Variants in EIF2AK4 observed in about 807,000 individuals in gnomAD.
EIF2AK4 encodes the protein eIF-2-alpha kinase GCN2.
EIF2AK4 carries 139 observed loss-of-function variants against 211.1 expected under a neutral mutation model. The observed-to-expected ratio is 0.66, with a 90% CI of 0.57 to 0.76. The LOEUF (loss-of-function observed/expected upper bound fraction) is 0.76. EIF2AK4 is among the 30% of genes least tolerant of loss of function. The pLI is 0.00. For missense variants in EIF2AK4, 1,664 were observed against 2,043.8 expected (o/e 0.81, Z 3.58); for synonymous variants, 710 against 751.3 (o/e 0.94, Z 0.90).
intron 31 of EIF2AK4, chr15:40,022,242 C>G (rs2035401114): frequency 8.1e-6 from 2 of 247,698 alleles, no homozygotes; most frequent in African/African-American, 4.9e-5. Flanking sequence ...TTTTGGGCAT[C>G]TTTTATTAAG....
At chr15:40,016,460 C>T (rs372563948) in intron 27 of EIF2AK4, 42 bp from the exon 28 acceptor site, 10 of 1,612,478 alleles carry the variant, frequency 6.2e-6, no homozygotes, top group African/African-American at 4.0e-5. Context: ...GAGTCTTCCC[C>T]TGCTGTGGAT....
chr15:39,973,404 A>G (rs911882727), intron 10 of EIF2AK4, among the ~76,000 whole-genome samples, 188 bp from the exon 11 acceptor site: 10 of 152,176 alleles, frequency 6.6e-5, no homozygotes, highest in African/African-American at 2.4e-4. Flanking sequence ...ACTTGGGCTA[A>G]TTATATATTT....
At position 40,017,501 on chromosome 15, in the gene EIF2AK4, CTATATATATATA is replaced by C. The variant is rs202237104; in HGVS notation, c.4065+301_4065+312del. On this transcript the variant is annotated intron_variant, in intron 29 of 38. Transcript: ENST00000263791. ...GGCTCATGTACCCTTTACTCTGTTT[CTATATATATATA>C]TATATATATATATATATATATATAT... Among the ~76,000 whole-genome samples the C allele has an allele frequency of 6.2e-3, 163 of 26,100 alleles. 1 individual carries two copies. The highest frequency in any genetic ancestry group is 8.2e-3 in the Non-Finnish European group (112 of 13,642). 17.1% of individuals were successfully genotyped at this position (26,100 alleles called of 152,430 possible).
At position 39,965,853 on chromosome 15, in the gene EIF2AK4, C is replaced by G; in HGVS notation, c.1017+10C>G. 6.2e-7 allele frequency: 1 copy of G among 1,613,282 alleles called. No individual in the cohort carries two copies. The highest frequency in any genetic ancestry group is 8.5e-7 in the Non-Finnish European group (1 of 1,179,714). On this transcript the variant is annotated intron_variant, in intron 8 of 38. Coordinates refer to ENST00000263791, the MANE Select transcript of EIF2AK4 (RefSeq NM_001013703.4). ...TAAGTGCAAAAAGCAGGTAAGCATC[C>G]AAGGTGGCTGACTGAGCAAAAGGCC...
At chr15:39,960,146 A>T (rs2034449845) in intron 6 of EIF2AK4, among the ~76,000 whole-genome samples, 1 of 149,976 alleles carries the variant, frequency 6.7e-6, no homozygotes, top group Non-Finnish European at 1.5e-5. Context: ...CCTGGGCGAC[A>T]GAGCGAGACT....
At chr15:39,954,511 C>A (rs559917100) in intron 5 of EIF2AK4, among the ~76,000 whole-genome samples, 1 of 152,220 alleles carries the variant, frequency 6.6e-6, no homozygotes, top group Non-Finnish European at 1.5e-5. Flanking sequence ...ACCTTGGCCT[C>A]CCAAAGTGTT....
chr15:39,959,677 C>A (rs2034439619), intron 6 of EIF2AK4, among the ~76,000 whole-genome samples: 1 of 152,228 alleles, frequency 6.6e-6, no homozygotes. Context: ...TTAGCACCAT[C>A]TGCTGAGGAG....
At chr15:39,969,509 C>T (rs756558559) in intron 9 of EIF2AK4, among the ~76,000 whole-genome samples, 4 of 151,752 alleles carry the variant, frequency 2.6e-5, no homozygotes, top group Middle Eastern at 3.2e-3. Context: ...TACAGGCGCC[C>T]GCTACTACAC....
intron 3 of EIF2AK4, among the ~76,000 whole-genome samples, chr15:39,944,118 G>C (rs1484276932): frequency 6.6e-6 from 1 of 152,162 alleles, no homozygotes; most frequent in Non-Finnish European, 1.5e-5. Flanking sequence ...TTGCATATCA[G>C]AGGAATTTGT....
At chr15:39,964,826 A>G (rs1161417005) in intron 7 of EIF2AK4, among the ~76,000 whole-genome samples, 1 of 152,216 alleles carries the variant, frequency 6.6e-6, no homozygotes, top group African/African-American at 2.4e-5. Flanking sequence ...TTCTAGCTTC[A>G]AATCTAAACT....
chr15:40,022,648 T>C (rs2035407233), intron 32 of EIF2AK4, 43 bp downstream of exon 32: 1 of 1,583,718 alleles, frequency 6.3e-7, no homozygotes, highest in African/African-American at 1.3e-5. Flanking sequence ...AGTTAGGTGT[T>C]ACCTGTGGAG....
At chr15:39,942,809 GT>G (rs766753725) in intron 2 of EIF2AK4, among the ~76,000 whole-genome samples, 1 of 152,206 alleles carries the variant, frequency 6.6e-6, no homozygotes. Context: ...ATGCAGCAGT[GT>G]GTTGTGGGAA....
intron 15 of EIF2AK4, among the ~76,000 whole-genome samples, chr15:39,990,057 C>T (rs2034921106): frequency 6.6e-6 from 1 of 152,156 alleles, no homozygotes; most frequent in African/African-American, 2.4e-5. Context: ...ATTTAGAATT[C>T]ACCTGGTCAG....
chr15:40,016,787 TG>T lies in EIF2AK4; in HGVS notation c.3930+116del. Reference sequence around the variant, plus strand: ...TAGTGTTTTATTTTTCCAGAAAAACTGCTTTCTGTGTTTTGGAGCATTTGAT... The same window carrying T: ...TAGTGTTTTATTTTTCCAGAAAAACTCTTTCTGTGTTTTGGAGCATTTGAT... On this transcript the variant is annotated intron_variant, in intron 28 of 38. Coordinates refer to ENST00000263791, the MANE Select transcript of EIF2AK4 (RefSeq NM_001013703.4). 5 of 1,338,982 alleles carry T rather than the reference TG, an allele frequency of 3.7e-6. No homozygotes were observed. In the South Asian group the frequency reaches 4.5e-5, roughly 12 times the overall value. The allele number at this position is 1,338,982 out of a possible 1,614,324, so 82.9% of individuals were successfully genotyped here.
intron 18 of EIF2AK4, among the ~76,000 whole-genome samples, chr15:39,993,091 T>TCCATCCATCCATCCACCCAC (rs2034970117): frequency 8.0e-6 from 1 of 124,280 alleles, no homozygotes; most frequent in Admixed American, 7.8e-5. Flanking sequence ...CATCCATCCA[T>TCCATCCATCCATCCACCCAC]CCATCCATCC....
intron 27 of EIF2AK4, among the ~76,000 whole-genome samples, chr15:40,015,883 G>A (rs765214157): frequency 1.3e-5 from 2 of 152,166 alleles, no homozygotes; most frequent in Non-Finnish European, 2.9e-5. Context: ...TACTCCAGCT[G>A]AGTACCAGGG....
intron 33 of EIF2AK4, among the ~76,000 whole-genome samples, chr15:40,027,519 A>G (rs1334674060): frequency 6.6e-6 from 1 of 152,246 alleles, no homozygotes; most frequent in East Asian, 1.9e-4. Flanking sequence ...AATATTGTGC[A>G]GCCTTTAAAA....
chr15:40,032,238 G>GT lies in EIF2AK4; in HGVS notation c.4728+2dup. 1.2e-6 allele frequency: 2 copies of GT among 1,613,964 alleles called. No homozygotes were observed. Among genetic ancestry groups the GT allele is most frequent in the Non-Finnish European group, 1.7e-6 (2 of 1,179,840 alleles). On this transcript the variant is annotated splice_donor_variant, in intron 36 of 38. Coordinates refer to ENST00000263791, the MANE Select transcript of EIF2AK4 (RefSeq NM_001013703.4). LOFTEE classifies it high-confidence loss of function. ...AAGCAGTGAAATTGAAATTCTGGCT[G>GT]TAAGTGGCTTTCTTTAGTATTTTGA...
At chr15:39,954,052 A>G (rs2034357293) in intron 5 of EIF2AK4, 68 bp downstream of exon 5, 6 of 1,261,496 alleles carry the variant, frequency 4.8e-6, no homozygotes, top group Non-Finnish European at 6.5e-6. Flanking sequence ...TCCACTGATG[A>G]CATCTGTGTT....
Sources: allele counts gnomAD v4.1 joint callset (sites outside exome capture counted in the v4.1 genomes callset), GRCh38; gene constraint gnomAD v4.1.1; transcripts MANE v1.5; gene names NCBI Gene and HGNC (gene_info 2026-07-23, HGNC 2026-07-21).